SLC4A10: variants seen among roughly 807,000 people sequenced by gnomAD.
SLC4A10 encodes sodium-driven chloride bicarbonate exchanger.
In SLC4A10, 42 loss-of-function variants were observed where a neutral mutation model predicts 137.7. That is an observed-to-expected ratio of 0.30 (90% CI 0.24 to 0.39). The LOEUF is 0.39. Among genes scored for constraint, SLC4A10 ranks in the 10% least tolerant of loss-of-function variants. SLC4A10 has a pLI of 1.00. For missense variants in SLC4A10, 925 were observed against 1,355.0 expected (o/e 0.68, Z 4.98); for synonymous variants, 474 against 464.1 (o/e 1.02, Z -0.27).
At chr2:161,891,545 A>G (rs1029084590) in intron 10 of SLC4A10, among the ~76,000 whole-genome samples, 1 of 151,906 alleles carries the variant, frequency 6.6e-6, no homozygotes, top group African/African-American at 2.4e-5. Flanking sequence ...TTTATTAAGT[A>G]GATCTTCACT....
chr2:161,836,530 GAGAAAGAAAGAAAGAA>G (rs71009343), intron 3 of SLC4A10, among the ~76,000 whole-genome samples: 7,215 of 78,936 alleles, frequency 0.091, 502 homozygotes, highest in Admixed American at 0.19. Flanking sequence ...GAGAGAGAGA[GAGAAAGAAAGAAAGAA>G]AGAAAGAAAG....
intron 1 of SLC4A10, among the ~76,000 whole-genome samples, chr2:161,766,299 A>G (rs1291811237): frequency 6.6e-6 from 1 of 152,116 alleles, no homozygotes; most frequent in East Asian, 1.9e-4. Context: ...TATCTTTCCA[A>G]CTATTTAATG....
At chr2:161,730,286 G>A (rs796228357) in intron 1 of SLC4A10, among the ~76,000 whole-genome samples, 3 of 152,054 alleles carry the variant, frequency 2.0e-5, no homozygotes, top group African/African-American at 7.2e-5. Context: ...ATCAAACAGA[G>A]GAAGGACTAG....
intron 1 of SLC4A10, among the ~76,000 whole-genome samples, chr2:161,766,102 G>A (rs547356496): frequency 1.2e-4 from 18 of 152,128 alleles, no homozygotes; most frequent in Admixed American, 2.6e-4. Flanking sequence ...TTTAAAAGGC[G>A]TACTGTATAT....
At chr2:161,627,869 A>G (rs1003911433) in intron 1 of SLC4A10, among the ~76,000 whole-genome samples, 9 of 152,094 alleles carry the variant, frequency 5.9e-5, no homozygotes, top group South Asian at 2.1e-4. Flanking sequence ...GGTGCTGGAG[A>G]TGCAGCAATA....
intron 6 of SLC4A10, among the ~76,000 whole-genome samples, chr2:161,869,749 T>A (rs1259773706): frequency 6.6e-6 from 1 of 151,646 alleles, no homozygotes; most frequent in Non-Finnish European, 1.5e-5. Context: ...TTTGAAGTGC[T>A]ACTTAAACTT....
intron 1 of SLC4A10, among the ~76,000 whole-genome samples, chr2:161,698,487 A>G (rs972295299): frequency 6.6e-6 from 1 of 152,170 alleles, no homozygotes; most frequent in Non-Finnish European, 1.5e-5. Context: ...TCCCATCAAT[A>G]CCTAATTTAT....
chr2:161,795,009 A>G (rs567672728), intron 2 of SLC4A10, among the ~76,000 whole-genome samples: 1 of 152,150 alleles, frequency 6.6e-6, no homozygotes, highest in South Asian at 2.1e-4. Flanking sequence ...GTATGTCAAT[A>G]TAAGTCAATT....
intron 19 of SLC4A10, among the ~76,000 whole-genome samples, chr2:161,955,298 A>C (rs1177709529): frequency 6.6e-6 from 1 of 152,198 alleles, no homozygotes; most frequent in Non-Finnish European, 1.5e-5. Context: ...AAAAGGGCCA[A>C]GGGATGATAT....
intron 2 of SLC4A10, 93 bp downstream of exon 2, chr2:161,771,147 A>C (rs1156407854): frequency 2.2e-6 from 2 of 908,156 alleles, no homozygotes; most frequent in African/African-American, 1.7e-5. Context: ...GAATTGCAAA[A>C]GTTGGTATCA....
chr2:161,685,365 G>T (rs774245817), intron 1 of SLC4A10, among the ~76,000 whole-genome samples: 40 of 152,198 alleles, frequency 2.6e-4, no homozygotes, highest in Non-Finnish European at 5.9e-4. Flanking sequence ...CAGCACTTTG[G>T]GAGGCCGAGG....
At chr2:161,850,658 C>A (rs934096665) in intron 4 of SLC4A10, among the ~76,000 whole-genome samples, 1 of 152,026 alleles carries the variant, frequency 6.6e-6, no homozygotes, top group African/African-American at 2.4e-5. Flanking sequence ...TTCAAAGAGC[C>A]AAGTCTTGGT....
intron 11 of SLC4A10, among the ~76,000 whole-genome samples, chr2:161,899,666 C>G (rs1350607521): frequency 1.3e-5 from 2 of 152,102 alleles, no homozygotes; most frequent in Non-Finnish European, 2.9e-5. Flanking sequence ...CAGAAGACCA[C>G]ATAATAATGC....
intron 2 of SLC4A10, among the ~76,000 whole-genome samples, chr2:161,773,034 G>C (rs1559217055): frequency 6.6e-6 from 1 of 151,854 alleles, no homozygotes; most frequent in Non-Finnish European, 1.5e-5. Context: ...AATGACTATG[G>C]TAATTCATCT....
chr2:161,827,608 G>A (rs1463905629), intron 3 of SLC4A10, among the ~76,000 whole-genome samples: 1 of 151,124 alleles, frequency 6.6e-6, no homozygotes, highest in Non-Finnish European at 1.5e-5. Context: ...CTGTCAACCA[G>A]GCTGGAGTGC....
intron 1 of SLC4A10, among the ~76,000 whole-genome samples, chr2:161,718,810 T>C (rs1258158564): frequency 6.6e-6 from 1 of 152,172 alleles, no homozygotes; most frequent in Non-Finnish European, 1.5e-5. Context: ...AACTATCAAG[T>C]TCACTTGATG....
At chr2:161,658,727 G>A (rs2037898156) in intron 1 of SLC4A10, among the ~76,000 whole-genome samples, 2 of 151,702 alleles carry the variant, frequency 1.3e-5, no homozygotes, top group South Asian at 2.1e-4. Context: ...GGTAACTGGG[G>A]TTACAGGTGC....
chr2:161,659,197 T>G (rs1230281997), intron 1 of SLC4A10, among the ~76,000 whole-genome samples: 1 of 152,240 alleles, frequency 6.6e-6, no homozygotes, highest in African/African-American at 2.4e-5. Flanking sequence ...AGATGGTATA[T>G]ATACACGATG....
chr2:161,807,335 A>G (rs969999732), intron 3 of SLC4A10, among the ~76,000 whole-genome samples: 1 of 152,160 alleles, frequency 6.6e-6, no homozygotes, highest in Admixed American at 6.5e-5. Context: ...CGTAGTTGTT[A>G]AAAGGTTCTG....
Sources: gnomAD v4.1 joint callset for allele counts (sites outside exome capture counted in the v4.1 genomes callset) on GRCh38, gnomAD v4.1.1 for gene constraint, MANE v1.5 for transcripts, NCBI Gene and HGNC (gene_info 2026-07-23, HGNC 2026-07-21) for gene names.